Variants in CELF1 observed in about 807,000 individuals in gnomAD.
CELF1 encodes 50 kDa nuclear polyadenylated RNA-binding protein.
Under a neutral mutation model 61.8 loss-of-function variants are expected in CELF1, and 10 were observed. The ratio of observed to expected loss-of-function variants is 0.16; its 90% CI spans 0.10 to 0.27. CELF1 has a LOEUF of 0.27. Ranked by LOEUF, CELF1 falls within the 10% of genes least tolerant of loss-of-function variation. The probability of loss-of-function intolerance (pLI) is 1.00; values close to 1 mark genes in which losing one functional copy is unlikely to be tolerated. For missense variants in CELF1, 380 were observed against 639.1 expected (o/e 0.59, Z 4.37); for synonymous variants, 236 against 225.1 (o/e 1.05, Z -0.43).
chr11:47,483,591 T>G, intron 7 of CELF1, 59 bp from the exon 8 acceptor site: 3 of 1,274,194 alleles, frequency 2.4e-6, no homozygotes, highest in Non-Finnish European at 3.4e-6. Flanking sequence ...AAACATTAAC[T>G]GAGCACCTAC....
intron 1 of CELF1, among the ~76,000 whole-genome samples, chr11:47,509,893 G>A (rs1022224693): frequency 2.0e-3 from 97 of 49,292 alleles, no homozygotes; most frequent in African/African-American, 6.7e-3. Flanking sequence ...TGGGTGTGGT[G>A]TCTCAAAAAA....
intron 12 of CELF1, among the ~76,000 whole-genome samples, chr11:47,475,952 T>C (rs1470962277): frequency 6.6e-6 from 1 of 152,122 alleles, no homozygotes; most frequent in Non-Finnish European, 1.5e-5. Context: ...CTATGTGTCA[T>C]CTACTGTACT....
intron 9 of CELF1, among the ~76,000 whole-genome samples, chr11:47,482,127 C>T (rs1226287015): frequency 1.3e-5 from 2 of 151,784 alleles, no homozygotes; most frequent in Admixed American, 6.6e-5. Context: ...CACTTGAACC[C>T]GAGGTGGAGG....
At chr11:47,543,131 T>C (rs575570342) in intron 1 of CELF1, among the ~76,000 whole-genome samples, 46 of 150,588 alleles carry the variant, frequency 3.1e-4, no homozygotes, top group Non-Finnish European at 5.8e-4. Flanking sequence ...AAGGCCAGCA[T>C]GGTAGCTCAT....
intron 1 of CELF1, among the ~76,000 whole-genome samples, chr11:47,532,277 C>A (rs766997157): frequency 6.6e-6 from 1 of 152,164 alleles, no homozygotes; most frequent in Non-Finnish European, 1.5e-5. Context: ...TGATCCACCT[C>A]GGCCTCCCAA....
At chr11:47,513,472 T>A (rs1320720272) in intron 1 of CELF1, 2 of 152,224 alleles carry the variant, frequency 1.3e-5, no homozygotes, top group African/African-American at 4.8e-5. Flanking sequence ...CTCTTTTTTT[T>A]TTTTTGAGAC....
At chr11:47,515,616 G>A (rs2095510572) in intron 1 of CELF1, among the ~76,000 whole-genome samples, 1 of 152,126 alleles carries the variant, frequency 6.6e-6, no homozygotes, top group Non-Finnish European at 1.5e-5. Flanking sequence ...CTGTCAGAGC[G>A]ACTTTTAAAA....
Position 47,545,867 on chromosome 11 carries a change from C to CTGTGTGTGTG in CELF1, c.-154+7124_-154+7125insCACACACACA, listed in dbSNP as rs761587800. On this transcript the variant is annotated intron_variant, in intron 1 of 14. Transcript: ENST00000687097. Reference sequence around the variant, plus strand: ...TATGTATACGTGTGTGTGTGTGTGTCTGCGTGTGTGTGTGTGTGTGTGTGT... The same window carrying CTGTGTGTGTG: ...TATGTATACGTGTGTGTGTGTGTGTCTGTGTGTGTGTGCGTGTGTGTGTGTGTGTGTGTGT... 1.8e-3 allele frequency among the ~76,000 whole-genome samples: 213 copies of CTGTGTGTGTG among 121,640 alleles called. 3 individuals are homozygous for CTGTGTGTGTG. Among genetic ancestry groups the CTGTGTGTGTG allele is most frequent in the Middle Eastern group, 4.2e-3 (1 of 240 alleles). The allele number at this position is 121,640 out of a possible 152,430, so 79.8% of individuals were successfully genotyped here. A position where few individuals can be genotyped will look rare whatever the true frequency, so the allele number is the denominator to read the frequency against.
chr11:47,501,971 G>T (rs1212717631), intron 1 of CELF1, among the ~76,000 whole-genome samples: 1 of 152,080 alleles, frequency 6.6e-6, no homozygotes, highest in Non-Finnish European at 1.5e-5. Context: ...TATAACAAAA[G>T]ACTACTTAAA....
At chr11:47,556,647 G>A (rs781576419), upstream of CELF1, among the ~76,000 whole-genome samples, 1 of 152,182 alleles carries the variant, frequency 6.6e-6, no homozygotes, top group Non-Finnish European at 1.5e-5. Context: ...AAGGCAGGAG[G>A]ACTGTTTGAG....
chr11:47,558,712 A>AT (rs1565921837), intron 2 of CELF1, among the ~76,000 whole-genome samples: 5 of 114,774 alleles, frequency 4.4e-5, no homozygotes, highest in Non-Finnish European at 6.7e-5. Context: ...CATAATATAT[A>AT]ATATTATGAC....
intron 13 of CELF1, among the ~76,000 whole-genome samples, 164 bp downstream of exon 13, chr11:47,475,172 C>A (rs2079439493): frequency 6.6e-6 from 1 of 152,200 alleles, no homozygotes; most frequent in Non-Finnish European, 1.5e-5. Flanking sequence ...ATTTAAAAAG[C>A]AGATCACACT....
At chr11:47,510,436 T>C (rs2095032677) in intron 1 of CELF1, among the ~76,000 whole-genome samples, 1 of 152,192 alleles carries the variant, frequency 6.6e-6, no homozygotes, top group South Asian at 2.1e-4. Flanking sequence ...GGCACGATGA[T>C]GTTCAATAAC....
chr11:47,552,113 G>C (rs904124368), intron 1 of CELF1, among the ~76,000 whole-genome samples: 1 of 151,764 alleles, frequency 6.6e-6, no homozygotes, highest in East Asian at 1.9e-4. Flanking sequence ...CTTTAAAACT[G>C]TTATACAGCC....
intron 3 of CELF1, among the ~76,000 whole-genome samples, chr11:47,489,935 G>GTTCTTTTTTTTTTTTTTT (rs1555170252): frequency 2.1e-5 from 1 of 48,226 alleles, no homozygotes; most frequent in Non-Finnish European, 3.9e-5. Context: ...ATACCATCTT[G>GTTCTTTTTTTTTTTTTTT]TTTTTTTTTT....
intron 3 of CELF1, among the ~76,000 whole-genome samples, chr11:47,498,791 G>A (rs2093526461): frequency 6.6e-6 from 1 of 152,192 alleles, no homozygotes; most frequent in Admixed American, 6.5e-5. Context: ...AGTACTGCAA[G>A]CTAACAAGGT....
In CELF1 at chr11:47,531,298, G is replaced by A. The variant is rs139972435; in HGVS notation, c.-154+21694C>T. Among the ~76,000 whole-genome samples the A allele has an allele frequency of 3.2e-4, 49 of 151,954 alleles. 4 individuals are homozygous for A. The East Asian group carries it at 8.7e-3, about 27-fold the overall frequency. On this transcript the variant is annotated intron_variant, in intron 1 of 14. Coordinates refer to ENST00000687097, the MANE Select transcript of CELF1 (RefSeq NM_001376376.1). Reference sequence around the variant, plus strand: ...AAAAAAAAACAAACAGGCCAGGCGCGGTGGCTCACGCCTGTCAACCCAGCG... The same window carrying A: ...AAAAAAAAACAAACAGGCCAGGCGCAGTGGCTCACGCCTGTCAACCCAGCG...
chr11:47,476,495 G>A (rs1449977750), intron 12 of CELF1, among the ~76,000 whole-genome samples: 1 of 151,918 alleles, frequency 6.6e-6, no homozygotes, highest in Non-Finnish European at 1.5e-5. Flanking sequence ...GCGCAATCTT[G>A]GCTCACTGCA....
intron 2 of CELF1, among the ~76,000 whole-genome samples, chr11:47,562,080 G>A (rs1011885429): frequency 1.3e-5 from 2 of 151,928 alleles, no homozygotes; most frequent in African/African-American, 4.8e-5. Flanking sequence ...TACAAAATTA[G>A]CCAGGAGTGG....
Sources: allele counts gnomAD v4.1 joint callset (sites outside exome capture counted in the v4.1 genomes callset), GRCh38; gene constraint gnomAD v4.1.1; transcripts MANE v1.5; gene names NCBI Gene and HGNC (gene_info 2026-07-23, HGNC 2026-07-21).